The following IRF8 variants were observed in gnomAD, a reference collection of about 807,000 sequenced individuals.
IRF8 encodes the protein interferon regulatory factor 8.
In IRF8, 14 loss-of-function variants were observed where a neutral mutation model predicts 48.7. The ratio of observed to expected loss-of-function variants is 0.29; its 90% CI spans 0.19 to 0.45. IRF8 has a LOEUF of 0.45. Among genes scored for constraint, IRF8 ranks in the 20% least tolerant of loss-of-function variants. IRF8 has a pLI of 1.00. For missense variants in IRF8, 493 were observed against 580.7 expected (o/e 0.85, Z 1.55); for synonymous variants, 278 against 227.3 (o/e 1.22, Z -2.01).
At chr16:85,914,566 A>G in intron 6 of IRF8, 46 bp downstream of exon 6, 1 of 1,610,958 alleles carries the variant, frequency 6.2e-7, no homozygotes, top group Non-Finnish European at 8.5e-7. Flanking sequence ...CTGTTTGAAG[A>G]CAAAGCCCAG....
At chr16:85,914,323 C>G (rs1905231311) in intron 5 of IRF8, 150 bp from the exon 6 acceptor site, 1 of 819,176 alleles carries the variant, frequency 1.2e-6, no homozygotes, top group East Asian at 2.7e-5. Flanking sequence ...TGGGGAAAAG[C>G]ACTGAATTCA....
intron 3 of IRF8, among the ~76,000 whole-genome samples, chr16:85,910,933 G>A (rs1408580981): frequency 2.6e-5 from 4 of 152,246 alleles, no homozygotes; most frequent in African/African-American, 9.6e-5. Flanking sequence ...CATAAGGTAA[G>A]TTGTCGACTG....
At chr16:85,911,695 C>A in intron 4 of IRF8, 37 bp downstream of exon 4, 1 of 1,556,786 alleles carries the variant, frequency 6.4e-7, no homozygotes, top group South Asian at 1.1e-5. Context: ...CTGGCCCTGC[C>A]AGGAGGAGTC....
At chr16:85,918,357 G>C (rs1313543540) in intron 6 of IRF8, 60 bp from the exon 7 acceptor site, 1 of 1,560,962 alleles carries the variant, frequency 6.4e-7, no homozygotes, top group South Asian at 1.2e-5. Flanking sequence ...TGTGCACTTG[G>C]GCAGGAGGGA....
chr16:85,911,650 A>G lies in IRF8; in HGVS notation c.439A>G (p.Ile147Val), dbSNP rs779551389. The change falls in exon 4 of 9, where the codon ATC (isoleucine) becomes GTC (valine). Residue 147 changes from isoleucine to valine, a missense_variant. Ile to Val is a conservative substitution (Grantham distance 29). Coordinates refer to ENST00000268638, the MANE Select transcript of IRF8 (RefSeq NM_002163.4). ...CGGTCGCTCTGAAATCGACGAGCTG[A>G]TCAAGGAGGTAAGCAGAGGCAGCAT... is the stretch of plus-strand genomic sequence containing the variant. ...ECGRSEIDEL[I>V]KEPSVDDYMG... 2 of 1,613,690 alleles carry G rather than the reference A, an allele frequency of 1.2e-6. No homozygotes were observed. Among genetic ancestry groups the G allele is most frequent in the Non-Finnish European group, 1.7e-6 (2 of 1,179,682 alleles).
chr16:85,908,884 C>T (rs555406604), intron 2 of IRF8, 106 bp from the exon 3 acceptor site: 4 of 1,010,246 alleles, frequency 4.0e-6, no homozygotes, highest in Non-Finnish European at 6.3e-6. Context: ...TGATGGCCAA[C>T]AAAGATTCAT....
chr16:85,902,981 G>C (rs376968300), intron 1 of IRF8, 34 bp from the exon 2 acceptor site: 1 of 1,611,884 alleles, frequency 6.2e-7, no homozygotes, highest in South Asian at 1.1e-5. Flanking sequence ...GACAATATCC[G>C]TAATATCACA....
At position 85,918,735 on chromosome 16, in the gene IRF8, A is replaced by G; in HGVS notation, c.920A>G (p.Lys307Arg). 2 of 1,612,666 alleles carry G rather than the reference A, an allele frequency of 1.2e-6. No individual in the cohort carries two copies. The highest frequency in any genetic ancestry group is 1.7e-6 in the Non-Finnish European group (2 of 1,180,024). ...VFCSGNAVVC[K>R]GRPNKLERDE... ...TGCAGCGGCAACGCCGTGGTGTGCAAAGGCAGGCCCAACAAGCTGGAGCGT... is the reference window on the plus strand; with the variant it reads ...TGCAGCGGCAACGCCGTGGTGTGCAGAGGCAGGCCCAACAAGCTGGAGCGT... Residue 307 changes from lysine (K) to arginine (R), a missense_variant, in exon 7 of 9, where the codon AAA becomes AGA. Coordinates refer to ENST00000268638, the MANE Select transcript of IRF8 (RefSeq NM_002163.4).
Position 85,918,797 on chromosome 16 carries a change from T to G in IRF8, c.982T>G (p.Phe328Val), listed in dbSNP as rs202046728. ...CCAGGTCTTCGACACCAGCCAGTTC[T>G]TCCGAGGTCTGTACCGTCGTCACCT... ...VVQVFDTSQF[F>V]RELQQFYNSQ... is the part of the protein sequence containing the mutation. The change falls in exon 7 of 9, where the codon TTC becomes GTC. Residue 328 changes from phenylalanine to valine, a missense_variant. Phe to Val is a conservative substitution (Grantham distance 50). Coordinates refer to ENST00000268638, the MANE Select transcript of IRF8 (RefSeq NM_002163.4). 5.7e-4 allele frequency: 924 copies of G among 1,608,366 alleles called. 7 individuals are homozygous for G. The highest frequency in any genetic ancestry group is 5.5e-3 in the South Asian group (498 of 91,088).
chr16:85,909,263 G>A, intron 3 of IRF8, 90 bp downstream of exon 3: 2 of 994,658 alleles, frequency 2.0e-6, no homozygotes, highest in Middle Eastern at 2.5e-4. Context: ...TAGACACAGG[G>A]TCTGGGGCAC....
chr16:85,919,802 C>T (rs750743351), intron 7 of IRF8, among the ~76,000 whole-genome samples: 23 of 152,236 alleles, frequency 1.5e-4, no homozygotes, highest in Non-Finnish European at 8.8e-5. Context: ...GTTGCCAACT[C>T]AGTTGCCTCC....
At chr16:85,913,089 C>G in intron 4 of IRF8, 42 bp from the exon 5 acceptor site, 3 of 1,375,542 alleles carry the variant, frequency 2.2e-6, no homozygotes, top group Non-Finnish European at 3.1e-6. Flanking sequence ...GGTGGGAGAT[C>G]AGTGACTGAG....
intron 6 of IRF8, 102 bp downstream of exon 6, chr16:85,914,622 G>T: frequency 7.5e-7 from 1 of 1,338,074 alleles, no homozygotes. Context: ...GCAGGACCTG[G>T]TGTGGAAGTC....
chr16:85,915,875 C>T (rs1044894945), intron 6 of IRF8, among the ~76,000 whole-genome samples: 14 of 152,192 alleles, frequency 9.2e-5, no homozygotes, highest in African/African-American at 3.4e-4. Flanking sequence ...CTGCCTCATG[C>T]ACAGAACATC....
chr16:85,901,853 G>A (rs1904835694), intron 1 of IRF8, among the ~76,000 whole-genome samples: 4 of 151,846 alleles, frequency 2.6e-5, no homozygotes, highest in Non-Finnish European at 5.9e-5. Context: ...GGGATGTTAT[G>A]TCTTGTTACT....
chr16:85,902,422 G>A (rs2152098424), intron 1 of IRF8, among the ~76,000 whole-genome samples: 1 of 152,354 alleles, frequency 6.6e-6, no homozygotes, highest in Non-Finnish European at 1.5e-5. Flanking sequence ...CAGCTGAGCG[G>A]TGGCGGGACT....
Position 85,903,090 on chromosome 16 carries a change from A to G in IRF8, c.75A>G (p.Gly25=), listed in dbSNP as rs988591939. 1.2e-6 allele frequency: 2 copies of G among 1,614,130 alleles called. No homozygotes were observed. The highest frequency in any genetic ancestry group is 1.3e-5 in the African/African-American group (1 of 75,022). ...IEQIDSSMYP[G]LIWENEEKSM... ...AGATTGACAGTAGCATGTATCCAGG[A>G]CTGATTTGGGAGAATGAGGAGAAGA... The change falls in exon 2 of 9, where the codon GGA becomes GGG. Residue 25 remains glycine (G), a synonymous_variant. Coordinates refer to ENST00000268638, the MANE Select transcript of IRF8 (RefSeq NM_002163.4).
intron 2 of IRF8, among the ~76,000 whole-genome samples, chr16:85,904,904 C>T (rs1374946439): frequency 4.8e-5 from 7 of 146,166 alleles, no homozygotes; most frequent in African/African-American, 1.5e-4. Flanking sequence ...CCCATTCAGT[C>T]GGTTGGGAAC....
chr16:85,914,608 A>T (rs1025005459), intron 6 of IRF8, 88 bp downstream of exon 6: 3 of 1,461,220 alleles, frequency 2.1e-6, no homozygotes, highest in Admixed American at 1.7e-5. Flanking sequence ...GGTTTCGAGG[A>T]TGAGCAGGAC....
Sources: allele counts gnomAD v4.1 joint callset (sites outside exome capture counted in the v4.1 genomes callset), GRCh38; gene constraint gnomAD v4.1.1; transcripts MANE v1.5; gene names NCBI Gene and HGNC (gene_info 2026-07-23, HGNC 2026-07-21).